Variants in RP1 observed in about 807,000 individuals in gnomAD.
RP1 encodes oxygen-regulated protein 1.
Under a neutral mutation model 14.8 loss-of-function variants are expected in RP1, and 16 were observed. The ratio of observed to expected loss-of-function variants is 1.08; its 90% CI spans 0.73 to 1.65. The LOEUF (loss-of-function observed/expected upper bound fraction) is 1.65. Among genes scored for constraint, RP1 ranks in the 40% most tolerant of loss-of-function variants. The pLI, the probability that RP1 is intolerant of heterozygous loss-of-function variation, is 0.00. For missense variants in RP1, 2,631 were observed against 2,535.0 expected (o/e 1.04, Z -0.81); for synonymous variants, 876 against 883.6 (o/e 0.99, Z 0.15).
intron 22 of RP1, among the ~76,000 whole-genome samples, chr8:54,768,273 T>G (rs538278396): frequency 6.6e-6 from 1 of 152,352 alleles, no homozygotes; most frequent in East Asian, 1.9e-4. Context: ...TCTTCATTCC[T>G]TTGCACTTCC....
At chr8:54,863,312 C>T (rs2129329164) in intron 27 of RP1, among the ~76,000 whole-genome samples, 1 of 152,188 alleles carries the variant, frequency 6.6e-6, no homozygotes, top group South Asian at 2.1e-4. Context: ...AGGTTATAGC[C>T]TAAGAGTATA....
At chr8:54,866,952 A>G (rs1812472127) in intron 28 of RP1, among the ~76,000 whole-genome samples, 1 of 152,212 alleles carries the variant, frequency 6.6e-6, no homozygotes, top group South Asian at 2.1e-4. Flanking sequence ...ATGAAAAAAT[A>G]TTGCCTGCCT....
chr8:54,704,856 A>C (rs1585622236), intron 14 of RP1, among the ~76,000 whole-genome samples: 1 of 151,832 alleles, frequency 6.6e-6, no homozygotes, highest in Non-Finnish European at 1.5e-5. Context: ...ACACACACAC[A>C]CATATGTCTT....
In RP1 at chr8:54,626,060, T is replaced by A. The variant is rs754415243; in HGVS notation, c.2178T>A (p.Leu726=). 6.2e-7 allele frequency: 1 copy of A among 1,613,822 alleles called. No individual in the cohort carries two copies. Among genetic ancestry groups the A allele is most frequent in the Non-Finnish European group, 8.5e-7 (1 of 1,179,862 alleles). ...DSDSPLKGGI[L]CEEDLQKSDT... ...ATAGTCCCCTTAAAGGAGGGATACTTTGTGAGGAAGACCTCCAGAAAAGTG... is the reference window on the plus strand; with the variant it reads ...ATAGTCCCCTTAAAGGAGGGATACTATGTGAGGAAGACCTCCAGAAAAGTG... The change falls in exon 4 of 4, where the codon CTT becomes CTA. Residue 726 remains leucine, a synonymous_variant. Transcript: ENST00000220676.
chr8:54,865,339 C>T (rs988966583), intron 27 of RP1, among the ~76,000 whole-genome samples: 21 of 151,098 alleles, frequency 1.4e-4, no homozygotes, highest in Non-Finnish European at 2.8e-4. Flanking sequence ...TCTTCTTTCC[C>T]TCCTCTCCTT....
intron 14 of RP1, chr8:54,706,336 C>G (rs1808149094): frequency 9.0e-7 from 1 of 1,108,314 alleles, no homozygotes; most frequent in Admixed American, 2.5e-5. Context: ...CACCAAGCCT[C>G]CTGGTCACTA....
chr8:54,722,982 C>G (rs1039521311), intron 16 of RP1, among the ~76,000 whole-genome samples: 2 of 152,148 alleles, frequency 1.3e-5, no homozygotes, highest in Non-Finnish European at 2.9e-5. Context: ...CACCAAACAG[C>G]AAGAGGCTCA....
rs143051552 is a variant in RP1 at position 54,712,795 on chromosome 8, C to A, written c.2211+6140C>A. ...CTCAAAATGCCTGTGCTTCCTTGTT[C>A]TTAAGAAATAGTATTGATACATAAC... On this transcript the variant is annotated intron_variant, in intron 15 of 22. Coordinates refer to the RP1 transcript ENST00000636932. 4.5e-3 allele frequency among the ~76,000 whole-genome samples: 684 copies of A among 152,224 alleles called. 5 individuals carry two copies. Among genetic ancestry groups the A allele is most frequent in the African/African-American group, 0.016 (645 of 41,522 alleles).
intron 19 of RP1, among the ~76,000 whole-genome samples, chr8:54,744,231 ATGT>A (rs1393849700): frequency 6.6e-6 from 1 of 152,134 alleles, no homozygotes; most frequent in African/African-American, 2.4e-5. Flanking sequence ...ATATTAGGTG[ATGT>A]TGTGACAAGA....
intron 1 of RP1, among the ~76,000 whole-genome samples, chr8:54,559,690 T>A (rs1256911345): frequency 6.6e-6 from 1 of 152,178 alleles, no homozygotes; most frequent in Non-Finnish European, 1.5e-5. Context: ...GGGAAACCCC[T>A]GGAGGGTGAT....
At chr8:54,704,672 G>C (rs570465138) in intron 14 of RP1, among the ~76,000 whole-genome samples, 39 of 152,294 alleles carry the variant, frequency 2.6e-4, no homozygotes, top group Admixed American at 2.2e-3. Context: ...GCACAATTAA[G>C]TGAAGTGCAA....
At chr8:54,846,327 G>A (rs995113991) in intron 25 of RP1, among the ~76,000 whole-genome samples, 8 of 152,196 alleles carry the variant, frequency 5.3e-5, no homozygotes, top group African/African-American at 1.4e-4. Context: ...CCATGATGTG[G>A]TGGATTTGAA....
At chr8:54,696,354 A>T (rs1402593547) in intron 12 of RP1, 1 of 539,868 alleles carries the variant, frequency 1.9e-6, no homozygotes, top group Non-Finnish European at 3.2e-6. Context: ...GAAATGAAGG[A>T]TTGGTTCATT....
intron 6 of RP1, among the ~76,000 whole-genome samples, chr8:54,661,234 T>G (rs1806885710): frequency 7.0e-6 from 1 of 142,588 alleles, no homozygotes; most frequent in Non-Finnish European, 1.5e-5. Context: ...ATGATATATA[T>G]AATATATACA....
Position 54,657,674 on chromosome 8 carries a change from T to A in RP1, c.1171+1459T>A, listed in dbSNP as rs534695995. The stretch of plus-strand genomic sequence containing the variant: ...TAATGAAAGCTGGATTAATGTCTTT[T>A]TTGCTATATTTTATTCCTTTAAGAT... On this transcript the variant is annotated intron_variant, in intron 6 of 22. Transcript: ENST00000636932. Among the ~76,000 whole-genome samples, 4 of 152,326 alleles carry A rather than the reference T, an allele frequency of 2.6e-5. No homozygotes were observed. The South Asian group carries it at 8.3e-4, about 32-fold the overall frequency.
At chr8:54,723,140 AATGAGGACC>A in intron 16 of RP1, among the ~76,000 whole-genome samples, 1 of 152,184 alleles carries the variant, frequency 6.6e-6, no homozygotes, top group Non-Finnish European at 1.5e-5. Flanking sequence ...TGTTCTGTCA[AATGAGGACC>A]AAGAGTACCT....
At chr8:54,770,803 G>A (rs1290714085), downstream of RP1, among the ~76,000 whole-genome samples, 1 of 151,320 alleles carries the variant, frequency 6.6e-6, no homozygotes, top group Non-Finnish European at 1.5e-5. Flanking sequence ...TTGCATATTG[G>A]TTTCTTAGTT....
chr8:54,625,329 T>G lies in RP1; in HGVS notation c.1447T>G (p.Phe483Val), dbSNP rs1291945712. 6.2e-7 allele frequency: 1 copy of G among 1,614,204 alleles called. No individual in the cohort carries two copies. The highest frequency in any genetic ancestry group is 1.1e-5 in the South Asian group (1 of 91,080). ...TEVQEKMIGQ[F>V]SYSEERESGE... ...GGTTCAAGAGAAAATGATTGGACAG[T>G]TTTCATATAGTGAAGAAAGGGAAAG... is the stretch of plus-strand genomic sequence containing the variant. Residue 483 changes from phenylalanine to valine, a missense_variant, in exon 4 of 4, where the codon TTT becomes GTT. Physicochemically the swap from Phe to Val is conservative, Grantham distance 50. Transcript: ENST00000220676.
At chr8:54,790,509 C>G (rs577882770) in intron 24 of RP1, among the ~76,000 whole-genome samples, 95 of 150,006 alleles carry the variant, frequency 6.3e-4, no homozygotes, top group African/African-American at 2.3e-3. Context: ...TGGAGATCTA[C>G]GAACTGTTTG....
Sources: gnomAD v4.1 joint callset for allele counts (sites outside exome capture counted in the v4.1 genomes callset) on GRCh38, gnomAD v4.1.1 for gene constraint, MANE v1.5 for transcripts, NCBI Gene and HGNC (gene_info 2026-07-23, HGNC 2026-07-21) for gene names.